LZIC: variants seen among roughly 807,000 people sequenced by gnomAD.
LZIC encodes the protein protein LZIC.
LZIC carries 28 observed loss-of-function variants against 25.4 expected under a neutral mutation model. That is an observed-to-expected ratio of 1.10 (90% CI 0.82 to 1.51). LZIC has a LOEUF of 1.51. Among genes scored for constraint, LZIC ranks in the 40% most tolerant of loss-of-function variants. The pLI, the probability that LZIC is intolerant of heterozygous loss-of-function variation, is 0.00. For missense variants in LZIC, 170 were observed against 211.1 expected (o/e 0.81, Z 1.21); for synonymous variants, 65 against 70.7 (o/e 0.92, Z 0.40).
intron 2 of LZIC, among the ~76,000 whole-genome samples, chr1:9,939,713 C>G (rs115325092): frequency 3.1e-3 from 465 of 152,220 alleles, no homozygotes; most frequent in Non-Finnish European, 5.5e-3. Flanking sequence ...ATCTCGATAA[C>G]TGATAATGAC....
At chr1:9,941,290 G>A (rs1640719458) in intron 2 of LZIC, among the ~76,000 whole-genome samples, 1 of 151,860 alleles carries the variant, frequency 6.6e-6, no homozygotes, top group Non-Finnish European at 1.5e-5. Context: ...TGCCTCCTGG[G>A]TTCAAGTGAC....
chr1:9,939,957 A>G (rs1465690826), intron 2 of LZIC, among the ~76,000 whole-genome samples: 4 of 152,100 alleles, frequency 2.6e-5, no homozygotes, highest in East Asian at 3.9e-4. Flanking sequence ...CGTCTCTACA[A>G]TAAATTAAAA....
At chr1:9,940,609 C>T (rs1252564719) in intron 2 of LZIC, among the ~76,000 whole-genome samples, 1 of 152,210 alleles carries the variant, frequency 6.6e-6, no homozygotes, top group Non-Finnish European at 1.5e-5. Flanking sequence ...TGAGCCACCG[C>T]ACACAGCATT....
At chr1:9,941,500 CTTTT>C (rs1217006418) in intron 2 of LZIC, among the ~76,000 whole-genome samples, 1 of 132,438 alleles carries the variant, frequency 7.6e-6, no homozygotes. Flanking sequence ...TAGCCTTTAC[CTTTT>C]TTTTTTTTTT....
chr1:9,940,331 C>T (rs915181932), intron 2 of LZIC, among the ~76,000 whole-genome samples: 3 of 152,020 alleles, frequency 2.0e-5, no homozygotes, highest in African/African-American at 7.2e-5. Context: ...CACCCGCCAC[C>T]ACGCCCAGCT....
At chr1:9,937,648 A>C (rs1252895785) in intron 2 of LZIC, among the ~76,000 whole-genome samples, 1 of 151,524 alleles carries the variant, frequency 6.6e-6, no homozygotes, top group Admixed American at 6.6e-5. Context: ...GGAGTTCGAG[A>C]CCAGCCTGGC....
In LZIC at chr1:9,928,429, CTG is replaced by C. The variant is rs1391596696; in HGVS notation, c.*1968_*1969del. On this transcript the variant is annotated 3_prime_UTR_variant, in exon 8 of 8. Transcript: ENST00000377223. Reference sequence around the variant, plus strand: ...ACAAATATTTGTACACAAATGTTCACTGAAGCATTATTCACAATAGCCAAAAG... The same window carrying C: ...ACAAATATTTGTACACAAATGTTCACAAGCATTATTCACAATAGCCAAAAG... Among the ~76,000 whole-genome samples the C allele has an allele frequency of 6.6e-6, 1 of 152,148 alleles. No homozygotes were observed. The highest frequency in any genetic ancestry group is 1.5e-5 in the Non-Finnish European group (1 of 68,034).
chr1:9,931,904 G>A lies in LZIC; in HGVS notation c.501C>T (p.Val167=), dbSNP rs1239665373. ...GAGGGCACTCACCAAGGTCTGTAGA[G>A]ACTTTCTCAAACTGGCTGAGTATAG... The part of the protein sequence containing the change: ...AGAILSQFEK[V]STDLGSGDKI... Residue 167 remains valine, a synonymous_variant, in exon 7 of 8, where the codon GTC becomes GTT. Coordinates refer to ENST00000377223, the MANE Select transcript of LZIC (RefSeq NM_032368.5). 6.2e-7 allele frequency: 1 copy of A among 1,613,320 alleles called. No homozygotes were observed. The highest frequency in any genetic ancestry group is 8.5e-7 in the Non-Finnish European group (1 of 1,179,444).
At position 9,933,731 on chromosome 1, in the gene LZIC, C is replaced by T. The variant is rs528474842; in HGVS notation, c.337-833G>A. ...GACTATCCTGGCCAACATGGTGAAA[C>T]CCTGTCTCTATGAAAAATACAAAAA... On this transcript the variant is annotated intron_variant, in intron 5 of 7. Transcript: ENST00000377223. Among the ~76,000 whole-genome samples, 195 of 151,918 alleles carry T rather than the reference C, an allele frequency of 1.3e-3. 1 individual carries two copies. Among genetic ancestry groups the T allele is most frequent in the African/African-American group, 4.4e-3 (184 of 41,450 alleles).
chr1:9,935,893 G>A (rs752005905), intron 3 of LZIC, among the ~76,000 whole-genome samples: 1 of 152,116 alleles, frequency 6.6e-6, no homozygotes, highest in Non-Finnish European at 1.5e-5. Flanking sequence ...ACTTTGGAAG[G>A]CTGAGATGGG....
chr1:9,935,635 A>G lies in LZIC; in HGVS notation c.102-8T>C, dbSNP rs763724170. On this transcript the variant is annotated splice_polypyrimidine_tract_variant and splice_region_variant and intron_variant, in intron 3 of 7. Coordinates refer to ENST00000377223, the MANE Select transcript of LZIC (RefSeq NM_032368.5). ...TCTGTATCAAGTTCCTCTCTGAAAT[A>G]GGTGAACATCATGATATGGAAAAAT... 6.3e-7 allele frequency: 1 copy of G among 1,592,516 alleles called. No homozygotes were observed. Among genetic ancestry groups the G allele is most frequent in the East Asian group, 2.2e-5 (1 of 44,558 alleles).
At position 9,927,560 on chromosome 1, in the gene LZIC, C is replaced by A. The variant is rs1197269425; in HGVS notation, c.*2839G>T. ...AGGCGATCCGCCCACCTCTGCCTCC[C>A]AGAGTTCTGAGATTACATGCGTGAG... On this transcript the variant is annotated 3_prime_UTR_variant, in exon 8 of 8. Coordinates refer to ENST00000377223, the MANE Select transcript of LZIC (RefSeq NM_032368.5). Among the ~76,000 whole-genome samples, 1 of 151,824 alleles carries A rather than the reference C, an allele frequency of 6.6e-6. No homozygotes were observed. Among genetic ancestry groups the A allele is most frequent in the Non-Finnish European group, 1.5e-5 (1 of 67,972 alleles).
chr1:9,941,500 C>CAT (rs1640731673), intron 2 of LZIC, among the ~76,000 whole-genome samples: 1 of 132,450 alleles, frequency 7.6e-6, no homozygotes, highest in Non-Finnish European at 1.6e-5. Flanking sequence ...TAGCCTTTAC[C>CAT]TTTTTTTTTT....
At chr1:9,940,357 T>A (rs1189058840) in intron 2 of LZIC, among the ~76,000 whole-genome samples, 1 of 152,102 alleles carries the variant, frequency 6.6e-6, no homozygotes, top group African/African-American at 2.4e-5. Context: ...TTTTTGTATT[T>A]TTTAGTAGAG....
intron 1 of LZIC, 121 bp downstream of exon 1, chr1:9,943,128 A>C (rs1570663498): frequency 5.9e-6 from 1 of 170,462 alleles, no homozygotes. Context: ...AGCAAATCCC[A>C]CCCCACGCGG....
rs932225253 is a variant in LZIC at position 9,939,024 on chromosome 1, A to G, written c.-8-2397T>C. ...TTGATTAATAAATAAAAGACTGACTAGTAAAGGGTATTAGGGCAATTGGCT... is the reference window on the plus strand; with the variant it reads ...TTGATTAATAAATAAAAGACTGACTGGTAAAGGGTATTAGGGCAATTGGCT... On this transcript the variant is annotated intron_variant, in intron 2 of 7. Transcript: ENST00000377223. Among the ~76,000 whole-genome samples, 5 of 152,176 alleles carry G rather than the reference A, an allele frequency of 3.3e-5. No homozygotes were observed. The East Asian group carries it at 9.6e-4, about 29-fold the overall frequency.
At position 9,927,835 on chromosome 1, in the gene LZIC, C is replaced by T. The variant is rs569245216; in HGVS notation, c.*2564G>A. 6.6e-6 allele frequency among the ~76,000 whole-genome samples: 1 copy of T among 151,734 alleles called. No homozygotes were observed. The highest frequency in any genetic ancestry group is 2.0e-4 in the East Asian group (1 of 5,046). On this transcript the variant is annotated 3_prime_UTR_variant, in exon 8 of 8. Transcript: ENST00000377223. Reference sequence around the variant, plus strand: ...AGTAGCTGAGACTACAGGCACCTGCCACTATGCCTGGCTAATTTTTGTAGA... The same window carrying T: ...AGTAGCTGAGACTACAGGCACCTGCTACTATGCCTGGCTAATTTTTGTAGA...
chr1:9,930,453 A>G lies in LZIC; in HGVS notation c.519T>C (p.Ser173=). The part of the protein sequence containing the change: ...QFEKVSTDLG[S]GDKILALASF... ...TTGCCAGAGCAAGAATTTTGTCTCCAGAGCCTAAGAAAAAAGACACATAAT... is the reference window on the plus strand; with the variant it reads ...TTGCCAGAGCAAGAATTTTGTCTCCGGAGCCTAAGAAAAAAGACACATAAT... The change falls in exon 8 of 8, where the codon TCT becomes TCC. Residue 173 remains serine (S), a synonymous_variant. Transcript: ENST00000377223. 1 of 1,613,450 alleles carries G rather than the reference A, an allele frequency of 6.2e-7. No homozygotes were observed. Among genetic ancestry groups the G allele is most frequent in the Non-Finnish European group, 8.5e-7 (1 of 1,179,814 alleles).
intron 5 of LZIC, among the ~76,000 whole-genome samples, chr1:9,933,628 A>G (rs1012317157): frequency 1.3e-5 from 2 of 152,154 alleles, no homozygotes; most frequent in African/African-American, 4.8e-5. Flanking sequence ...TGTCCAGGCC[A>G]GGTACAGTGG....
Sources: gnomAD v4.1 joint callset for allele counts (sites outside exome capture counted in the v4.1 genomes callset) on GRCh38, gnomAD v4.1.1 for gene constraint, MANE v1.5 for transcripts, NCBI Gene and HGNC (gene_info 2026-07-23, HGNC 2026-07-21) for gene names.